CDH13: variants seen among roughly 807,000 people sequenced by gnomAD.
CDH13 encodes the protein cadherin 13.
In CDH13, 24 loss-of-function variants were observed where a neutral mutation model predicts 63.8. The observed-to-expected ratio is 0.38, with a 90% CI of 0.27 to 0.53. The LOEUF is 0.53. Among genes scored for constraint, CDH13 ranks in the 20% least tolerant of loss-of-function variants. CDH13 has a pLI of 0.85. For synonymous variants in CDH13, 503 were observed against 355.3 expected, an observed-to-expected ratio of 1.42 and a Z score of -4.67; for missense variants, 1,049 against 903.1, an observed-to-expected ratio of 1.16 and a Z score of -2.07.
At chr16:83,228,099 C>T (rs1483264435) in intron 5 of CDH13, among the ~76,000 whole-genome samples, 2 of 152,194 alleles carry the variant, frequency 1.3e-5, no homozygotes, top group African/African-American at 4.8e-5. Context: ...TGGAAAGTCT[C>T]CTGAGGGCAG....
intron 1 of CDH13, among the ~76,000 whole-genome samples, chr16:82,712,453 T>C (rs2032021948): frequency 6.6e-6 from 1 of 152,146 alleles, no homozygotes; most frequent in African/African-American, 2.4e-5. Flanking sequence ...TGCGTATTCT[T>C]CTCCATGGTA....
chr16:83,739,426 C>CT (rs1911853861), intron 10 of CDH13, among the ~76,000 whole-genome samples: 1 of 152,164 alleles, frequency 6.6e-6, no homozygotes, highest in South Asian at 2.1e-4. Context: ...CCCCATGTGC[C>CT]TTTTTTCTGT....
rs10548547 is a variant in CDH13, at chr16:83,791,811, C to CA, written c.2135-3192dup. ...GGGCAACAGAGCAAGACTTTGTCTC[C>CA]AAAAAAAAAAAAAAAAAAAAGCCAA... On this transcript the variant is annotated intron_variant, in intron 13 of 13. Coordinates refer to ENST00000567109, the MANE Select transcript of CDH13 (RefSeq NM_001257.5). Among the ~76,000 whole-genome samples the CA allele has an allele frequency of 2.6e-3, 249 of 94,810 alleles. 4 individuals are homozygous for CA. The highest frequency in any genetic ancestry group is 4.9e-3 in the African/African-American group (133 of 27,140). 62.2% of individuals were successfully genotyped at this position (94,810 alleles called of 152,430 possible). A position where few individuals can be genotyped will look rare whatever the true frequency, so the allele number is the denominator to read the frequency against.
chr16:83,028,033 G>A (rs1248929583), intron 2 of CDH13, among the ~76,000 whole-genome samples: 1 of 152,076 alleles, frequency 6.6e-6, no homozygotes, highest in Non-Finnish European at 1.5e-5. Context: ...ACTTAGCTGG[G>A]AATCCAGAAC....
intron 7 of CDH13, among the ~76,000 whole-genome samples, chr16:83,498,795 A>T (rs2074205741): frequency 6.6e-6 from 1 of 152,168 alleles, no homozygotes; most frequent in Non-Finnish European, 1.5e-5. Context: ...AATACAGTGA[A>T]GTTTTGGTGG....
chr16:82,864,375 AT>A (rs1051008672), intron 2 of CDH13, among the ~76,000 whole-genome samples: 5 of 152,162 alleles, frequency 3.3e-5, no homozygotes, highest in Non-Finnish European at 7.3e-5. Flanking sequence ...AGATGGGGTA[AT>A]TTATACAGAA....
chr16:83,194,365 G>A (rs72802206), intron 4 of CDH13, among the ~76,000 whole-genome samples: 22,495 of 152,138 alleles, frequency 0.15, 1,762 homozygotes, highest in South Asian at 0.2. Context: ...CAAAATGACT[G>A]ACTACATAGA....
At chr16:83,626,349 T>C (rs953685376) in intron 8 of CDH13, among the ~76,000 whole-genome samples, 1 of 152,166 alleles carries the variant, frequency 6.6e-6, no homozygotes, top group African/African-American at 2.4e-5. Flanking sequence ...CTTCTGTGAA[T>C]AACATGATTG....
At chr16:83,395,196 C>T (rs532199917) in intron 6 of CDH13, among the ~76,000 whole-genome samples, 91 of 149,998 alleles carry the variant, frequency 6.1e-4, no homozygotes, top group African/African-American at 2.0e-3. Context: ...TGCCTGTAAT[C>T]CCAGCTACTT....
intron 11 of CDH13, among the ~76,000 whole-genome samples, chr16:83,774,116 C>T (rs1185833513): frequency 1.3e-5 from 2 of 152,152 alleles, no homozygotes; most frequent in East Asian, 1.9e-4. Context: ...CTGAGCTATT[C>T]GTCCTACAGA....
At chr16:83,617,173 C>T (rs1225169762) in intron 8 of CDH13, among the ~76,000 whole-genome samples, 1 of 152,202 alleles carries the variant, frequency 6.6e-6, no homozygotes, top group African/African-American at 2.4e-5. Flanking sequence ...TCATCTCCGC[C>T]TCTAGGGCCA....
At chr16:83,226,050 C>A (rs2039828235) in intron 5 of CDH13, among the ~76,000 whole-genome samples, 1 of 152,174 alleles carries the variant, frequency 6.6e-6, no homozygotes, top group Admixed American at 6.5e-5. Context: ...TTCTGAGAAA[C>A]AGAATTTAAT....
chr16:83,375,493 G>A (rs3859037), intron 6 of CDH13, among the ~76,000 whole-genome samples: 43,023 of 152,106 alleles, frequency 0.28, 6,184 homozygotes, highest in Middle Eastern at 0.41. Context: ...TATGTTGGAG[G>A]ACTCTGGGAA....
chr16:82,941,312 G>T (rs1904283844), intron 2 of CDH13, among the ~76,000 whole-genome samples: 1 of 152,188 alleles, frequency 6.6e-6, no homozygotes, highest in South Asian at 2.1e-4. Context: ...CTCCCATTCA[G>T]TGAAATCTAG....
intron 10 of CDH13, among the ~76,000 whole-genome samples, chr16:83,704,473 C>T (rs1208728849): frequency 6.6e-6 from 1 of 152,012 alleles, no homozygotes; most frequent in Non-Finnish European, 1.5e-5. Flanking sequence ...TGCAGTGTAC[C>T]CAGTGAGTGG....
intron 1 of CDH13, among the ~76,000 whole-genome samples, chr16:82,740,980 GTAAGTGTATTAC>G (rs745554765): frequency 2.2e-4 from 34 of 152,098 alleles, no homozygotes; most frequent in Non-Finnish European, 4.7e-4. Context: ...ATTTTTAAAA[GTAAGTGTATTAC>G]TCTACATTGA....
At chr16:83,180,855 T>C (rs1193910718) in intron 4 of CDH13, 13 of 1,504,262 alleles carry the variant, frequency 8.6e-6, no homozygotes, top group African/African-American at 5.6e-5. Flanking sequence ...AAAATGTGTT[T>C]TTTTTTTCTT....
chr16:83,354,954 T>A (rs7186161), intron 6 of CDH13, among the ~76,000 whole-genome samples: 30,118 of 152,220 alleles, frequency 0.2, 3,628 homozygotes, highest in African/African-American at 0.33. Context: ...ACACAGACTG[T>A]ATATTCCACA....
At chr16:83,418,927 A>G (rs1489481443) in intron 6 of CDH13, among the ~76,000 whole-genome samples, 1 of 152,070 alleles carries the variant, frequency 6.6e-6, no homozygotes, top group Non-Finnish European at 1.5e-5. Context: ...TTTTCAGCAG[A>G]TGCTTCTCTT....
Sources: allele counts gnomAD v4.1 joint callset (sites outside exome capture counted in the v4.1 genomes callset), GRCh38; gene constraint gnomAD v4.1.1; transcripts MANE v1.5; gene names NCBI Gene and HGNC (gene_info 2026-07-23, HGNC 2026-07-21).